Variants in FGF14 observed in about 807,000 individuals in gnomAD.
The protein encoded by FGF14 is fibroblast growth factor 14.
FGF14 carries 5 observed loss-of-function variants against 25.5 expected under a neutral mutation model. The observed-to-expected ratio is 0.20, with a 90% CI of 0.10 to 0.41. FGF14 has a LOEUF of 0.41. FGF14 is among the 10% of genes least tolerant of loss of function. FGF14 has a pLI of 1.00. For missense variants in FGF14, 222 were observed against 320.1 expected, an observed-to-expected ratio of 0.69 and a Z score of 2.34; for synonymous variants, 138 against 118.3, an observed-to-expected ratio of 1.17 and a Z score of -1.08.
chr13:102,203,166 C>A (rs146461719), intron 1 of FGF14, among the ~76,000 whole-genome samples: 6 of 152,246 alleles, frequency 3.9e-5, no homozygotes, highest in African/African-American at 9.6e-5. Context: ...GTTTTGATAG[C>A]AGTATATTTG....
intron 1 of FGF14, among the ~76,000 whole-genome samples, chr13:101,979,591 C>A (rs2038127409): frequency 6.6e-6 from 1 of 152,148 alleles, no homozygotes; most frequent in Non-Finnish European, 1.5e-5. Context: ...TTTTCCATTG[C>A]ACAACCTTAT....
intron 3 of FGF14, among the ~76,000 whole-genome samples, chr13:101,790,501 G>A (rs1339515554): frequency 1.3e-5 from 2 of 151,152 alleles, no homozygotes; most frequent in African/African-American, 2.4e-5. Flanking sequence ...AGGAGGGAAG[G>A]TGCAAAGGCA....
chr13:102,011,292 T>C (rs1413371251), intron 1 of FGF14, among the ~76,000 whole-genome samples: 2 of 152,114 alleles, frequency 1.3e-5, no homozygotes, highest in Non-Finnish European at 2.9e-5. Context: ...GTACCCAATA[T>C]ATTAAAAAAC....
At chr13:102,246,991 A>G (rs2051907578) in intron 1 of FGF14, among the ~76,000 whole-genome samples, 1 of 152,124 alleles carries the variant, frequency 6.6e-6, no homozygotes, top group Non-Finnish European at 1.5e-5. Context: ...CAATGGGGAA[A>G]TGACTCTCTA....
At chr13:102,027,270 A>G (rs1037755646) in intron 1 of FGF14, among the ~76,000 whole-genome samples, 1 of 151,332 alleles carries the variant, frequency 6.6e-6, no homozygotes, top group African/African-American at 2.4e-5. Context: ...AAATAGTATA[A>G]TATGCATTAT....
chr13:102,018,604 C>G (rs2040468963), intron 1 of FGF14, among the ~76,000 whole-genome samples: 1 of 152,042 alleles, frequency 6.6e-6, no homozygotes, highest in Non-Finnish European at 1.5e-5. Flanking sequence ...TCTTCCTCTT[C>G]CTTCTCTGGC....
rs758487218 is a variant in FGF14 at position 101,791,595 on chromosome 13, GGA to G, written c.409-64787_409-64786del. Among the ~76,000 whole-genome samples, 140 of 152,154 alleles carry G rather than the reference GGA, an allele frequency of 9.2e-4. 3 individuals are homozygous for G. The highest frequency in any genetic ancestry group is 8.2e-4 in the Non-Finnish European group (56 of 67,992). Reference sequence around the variant, plus strand: ...TTACAAGCAAGGAGATTATTATTAGGGAGAGAGTCAATCATGGCCTTCTGCAA... The same window carrying G: ...TTACAAGCAAGGAGATTATTATTAGGGAGAGTCAATCATGGCCTTCTGCAA... On this transcript the variant is annotated intron_variant, in intron 3 of 4. Transcript: ENST00000376143.
At chr13:102,162,292 A>G (rs1181804405) in intron 1 of FGF14, among the ~76,000 whole-genome samples, 1 of 152,186 alleles carries the variant, frequency 6.6e-6, no homozygotes, top group Non-Finnish European at 1.5e-5. Context: ...AATGGATCAC[A>G]GGAATACATT....
intron 3 of FGF14, among the ~76,000 whole-genome samples, chr13:101,828,518 T>C (rs9518578): frequency 0.21 from 31,408 of 150,888 alleles, 4,168 homozygotes; most frequent in East Asian, 0.37. Context: ...CTTGTACTGT[T>C]TGAGTTTACC....
intron 1 of FGF14, among the ~76,000 whole-genome samples, chr13:101,946,424 T>C (rs952029804): frequency 1.3e-5 from 2 of 151,950 alleles, no homozygotes; most frequent in Non-Finnish European, 2.9e-5. Flanking sequence ...GTTTGGATGT[T>C]TTTTGATAAC....
intron 1 of FGF14, among the ~76,000 whole-genome samples, chr13:101,907,381 G>C (rs1372542508): frequency 1.3e-5 from 2 of 152,064 alleles, no homozygotes; most frequent in Non-Finnish European, 2.9e-5. Context: ...TCGCATAAAG[G>C]GTACTGGTTG....
Position 102,324,827 on chromosome 13 carries a change from G to A in FGF14, c.208+76644C>T, listed in dbSNP as rs1054782275. Among the ~76,000 whole-genome samples the A allele has an allele frequency of 2.6e-5, 4 of 152,260 alleles. 1 individual carries two copies. Reference sequence around the variant, plus strand: ...ATGAGAAGATCTGTGTGTTCAAAACGTGTTACAAATGTGAATACACTTAAA... The same window carrying A: ...ATGAGAAGATCTGTGTGTTCAAAACATGTTACAAATGTGAATACACTTAAA... On this transcript the variant is annotated intron_variant, in intron 1 of 4. Coordinates refer to the FGF14 transcript ENST00000376131.
intron 1 of FGF14, among the ~76,000 whole-genome samples, chr13:102,176,908 C>G (rs542972824): frequency 1.2e-4 from 18 of 152,050 alleles, no homozygotes; most frequent in Non-Finnish European, 1.6e-4. Context: ...TTAAAAAATA[C>G]TTGCACAAAC....
chr13:102,149,148 TAAAGTAATATGAATAATTAAAATAA>T (rs1182453675), intron 1 of FGF14, among the ~76,000 whole-genome samples: 1 of 151,934 alleles, frequency 6.6e-6, no homozygotes, highest in Non-Finnish European at 1.5e-5. Context: ...TGTCATTAAT[TAAAGTAATATGAATAATTAAAATAA>T]TATCATTATT....
At chr13:101,900,642 T>C (rs185311674) in intron 1 of FGF14, among the ~76,000 whole-genome samples, 97 of 152,272 alleles carry the variant, frequency 6.4e-4, no homozygotes, top group Non-Finnish European at 1.1e-3. Flanking sequence ...ATATATTGTG[T>C]TAGAAGTCAA....
rs776788032 is a variant in FGF14, at chr13:101,985,612, T to TA, written c.209-110317dup. ...TAAGGAAATGGCTTTTTCTTTGTTG[T>TA]AAAAAAGAGTCTACGGTTGTAATAA... is the stretch of plus-strand genomic sequence containing the variant. On this transcript the variant is annotated intron_variant, in intron 1 of 4. Coordinates refer to the FGF14 transcript ENST00000376131. Among the ~76,000 whole-genome samples, 4 of 152,196 alleles carry TA rather than the reference T, an allele frequency of 2.6e-5. No homozygotes were observed. The East Asian group carries it at 7.7e-4, about 29-fold the overall frequency.
chr13:102,152,662 G>C (rs1473409697), intron 1 of FGF14, among the ~76,000 whole-genome samples: 2 of 152,178 alleles, frequency 1.3e-5, no homozygotes, highest in African/African-American at 4.8e-5. Context: ...CTCAGATCTG[G>C]GATCCATAAG....
At chr13:101,909,801 C>A (rs929070192) in intron 1 of FGF14, among the ~76,000 whole-genome samples, 21 of 152,102 alleles carry the variant, frequency 1.4e-4, no homozygotes, top group African/African-American at 4.8e-4. Flanking sequence ...ACATATGTTT[C>A]TTGCGGCACT....
Position 102,369,989 on chromosome 13 carries a change from G to T in FGF14, c.208+31482C>A, listed in dbSNP as rs559591394. 2.8e-3 allele frequency among the ~76,000 whole-genome samples: 423 copies of T among 151,582 alleles called. 1 individual carries two copies. Among genetic ancestry groups the T allele is most frequent in the Non-Finnish European group, 5.2e-3 (350 of 67,888 alleles). ...CATTGAATTCTTTAACTATCAAATA[G>T]AATAAATCTTTTTTTTTTTTGAGAC... On this transcript the variant is annotated intron_variant, in intron 1 of 4. Transcript: ENST00000376131.
Sources: allele counts gnomAD v4.1 joint callset (sites outside exome capture counted in the v4.1 genomes callset), GRCh38; gene constraint gnomAD v4.1.1; transcripts MANE v1.5; gene names NCBI Gene and HGNC (gene_info 2026-07-23, HGNC 2026-07-21).